ZBTB8A: variants seen among roughly 807,000 people sequenced by gnomAD.
The protein encoded by ZBTB8A is zinc finger and BTB domain containing 8A.
ZBTB8A carries 19 observed loss-of-function variants against 37.8 expected under a neutral mutation model. That is an observed-to-expected ratio of 0.50 (90% confidence interval 0.35 to 0.74). The LOEUF is 0.74. Among genes scored for constraint, ZBTB8A ranks in the 30% least tolerant of loss-of-function variants. ZBTB8A has a pLI of 0.01. For missense variants in ZBTB8A, 394 were observed against 537.8 expected (o/e 0.73, Z 2.65); for synonymous variants, 181 against 185.2 (o/e 0.98, Z 0.19).
rs577859359 is a variant in ZBTB8A, at chr1:32,584,372, G to A, written c.-1-8559G>A. Among the ~76,000 whole-genome samples the A allele has an allele frequency of 1.1e-4, 16 of 151,390 alleles. No individual in the cohort carries two copies. In the South Asian group the frequency reaches 2.1e-3, roughly 20 times the overall value. The stretch of plus-strand genomic sequence containing the variant: ...AACTAATATACAAAGACGGGAAAAC[G>A]TATAAATGCAGAATAAACACTTAAT... On this transcript the variant is annotated intron_variant, in intron 2 of 4. Transcript: ENST00000373510.
At chr1:32,569,465 C>T (rs1368055524) in intron 2 of ZBTB8A, among the ~76,000 whole-genome samples, 1 of 142,980 alleles carries the variant, frequency 7.0e-6, no homozygotes, top group Admixed American at 7.4e-5. Context: ...GCGATCTCAG[C>T]TCACTGCCAG....
intron 2 of ZBTB8A, among the ~76,000 whole-genome samples, chr1:32,591,233 G>GTC (rs1321548364): frequency 1.3e-5 from 2 of 149,132 alleles, no homozygotes; most frequent in African/African-American, 5.0e-5. Context: ...TAGAGACAGA[G>GTC]TCTCTCTCTG....
chr1:32,569,417 A>G (rs371892682), intron 2 of ZBTB8A, among the ~76,000 whole-genome samples: 1 of 118,074 alleles, frequency 8.5e-6, no homozygotes, highest in East Asian at 2.4e-4. Context: ...TTTTTGAGAC[A>G]GAGTCTTGCT....
intron 1 of ZBTB8A, among the ~76,000 whole-genome samples, chr1:32,540,995 C>T (rs1327474581): frequency 6.6e-6 from 1 of 152,250 alleles, no homozygotes; most frequent in Non-Finnish European, 1.5e-5. Context: ...ACCAGCTTCG[C>T]TGTTGATAAT....
chr1:32,602,880 A>C lies in ZBTB8A; in HGVS notation c.*2461A>C, dbSNP rs1281736093. The C allele has an allele frequency of 2.0e-5, 3 of 152,064 alleles. 1 individual carries two copies. Among genetic ancestry groups the C allele is most frequent in the African/African-American group, 7.2e-5 (3 of 41,424 alleles). The allele number at this position is 152,064 out of a possible 1,614,324, so 9.4% of individuals were successfully genotyped here. ...TTACTGTATTTTTAAATGCCATGACATACCTCAAAATTATCCTTTTTATGT... is the reference window on the plus strand; with the variant it reads ...TTACTGTATTTTTAAATGCCATGACCTACCTCAAAATTATCCTTTTTATGT... On this transcript the variant is annotated 3_prime_UTR_variant, in exon 5 of 5. Transcript: ENST00000373510.
chr1:32,590,576 T>C (rs537706178), intron 2 of ZBTB8A, among the ~76,000 whole-genome samples: 3 of 152,266 alleles, frequency 2.0e-5, no homozygotes, highest in Admixed American at 2.0e-4. Context: ...CATCTAGGGA[T>C]TTCTACATCT....
chr1:32,573,991 G>A (rs1231709038), intron 2 of ZBTB8A, among the ~76,000 whole-genome samples: 5 of 151,474 alleles, frequency 3.3e-5, no homozygotes, highest in Admixed American at 1.3e-4. Context: ...CAGGAGAATC[G>A]CTTGAACCCG....
intron 1 of ZBTB8A, among the ~76,000 whole-genome samples, chr1:32,549,492 C>CAA (rs796747835): frequency 9.1e-6 from 1 of 110,282 alleles, no homozygotes; most frequent in African/African-American, 3.2e-5. Flanking sequence ...AACTCCGTCT[C>CAA]AAAAAAAAAA....
intron 1 of ZBTB8A, among the ~76,000 whole-genome samples, chr1:32,545,491 G>A (rs935546309): frequency 4.6e-5 from 7 of 152,186 alleles, no homozygotes; most frequent in Non-Finnish European, 1.0e-4. Flanking sequence ...AATGCTTAGA[G>A]TTAAGTAACT....
intron 2 of ZBTB8A, among the ~76,000 whole-genome samples, chr1:32,563,153 T>G (rs374142899): frequency 3.3e-5 from 5 of 152,200 alleles, no homozygotes; most frequent in African/African-American, 1.2e-4. Context: ...TTATTAGTTG[T>G]TTGCATTTCC....
At chr1:32,552,667 A>G (rs1486504433) in intron 1 of ZBTB8A, among the ~76,000 whole-genome samples, 1 of 152,082 alleles carries the variant, frequency 6.6e-6, no homozygotes, top group Admixed American at 6.6e-5. Context: ...CTCCATCTCA[A>G]AAACACCAAA....
chr1:32,600,350 T>C lies in ZBTB8A; in HGVS notation c.1257T>C (p.Asp419=). The change falls in exon 5 of 5, where the codon GAT becomes GAC. Residue 419 remains aspartate, a synonymous_variant. Coordinates refer to ENST00000373510, the MANE Select transcript of ZBTB8A (RefSeq NM_001040441.3). ...AGATTGTAGAAGATGGGTCTGCTGATCTGGTCATCCAACAGGTTGATGATA... is the reference window on the plus strand; with the variant it reads ...AGATTGTAGAAGATGGGTCTGCTGACCTGGTCATCCAACAGGTTGATGATA... ...YVEIVEDGSA[D]LVIQQVDDSE... 1.2e-6 allele frequency: 2 copies of C among 1,614,170 alleles called. No individual in the cohort carries two copies. The highest frequency in any genetic ancestry group is 2.2e-5 in the East Asian group (1 of 44,886).
intron 3 of ZBTB8A, among the ~76,000 whole-genome samples, chr1:32,594,361 T>C (rs1321948904): frequency 6.6e-6 from 1 of 152,106 alleles, no homozygotes; most frequent in Non-Finnish European, 1.5e-5. Context: ...TACTCTTAAA[T>C]GTTTAAAGCT....
intron 2 of ZBTB8A, among the ~76,000 whole-genome samples, chr1:32,570,268 T>C (rs1644314450): frequency 6.6e-6 from 1 of 152,206 alleles, no homozygotes; most frequent in Non-Finnish European, 1.5e-5. Flanking sequence ...CTCTATTCCA[T>C]TGATCTATGT....
At chr1:32,569,048 A>G (rs1419028362) in intron 2 of ZBTB8A, among the ~76,000 whole-genome samples, 1 of 152,168 alleles carries the variant, frequency 6.6e-6, no homozygotes, top group East Asian at 1.9e-4. Context: ...TAATTTTCCA[A>G]AGTGACTGTA....
chr1:32,567,519 G>T (rs1644289250), intron 2 of ZBTB8A, among the ~76,000 whole-genome samples: 1 of 152,080 alleles, frequency 6.6e-6, no homozygotes, highest in Admixed American at 6.6e-5. Context: ...TTTAGGCTGG[G>T]CATGGTGGCT....
intron 2 of ZBTB8A, among the ~76,000 whole-genome samples, chr1:32,579,870 T>A (rs1644390563): frequency 6.6e-6 from 1 of 152,192 alleles, no homozygotes; most frequent in African/African-American, 2.4e-5. Context: ...AATTTTACTT[T>A]TATAGTTTTC....
chr1:32,564,348 TA>T (rs1644264334), intron 2 of ZBTB8A, among the ~76,000 whole-genome samples: 1 of 152,206 alleles, frequency 6.6e-6, no homozygotes, highest in Non-Finnish European at 1.5e-5. Context: ...TAAGCTGTGA[TA>T]AAACCGTAAT....
intron 2 of ZBTB8A, among the ~76,000 whole-genome samples, chr1:32,589,021 C>T (rs944081810): frequency 1.3e-5 from 2 of 151,806 alleles, no homozygotes; most frequent in African/African-American, 4.8e-5. Context: ...TGATGAAAAC[C>T]TGATTGGAAT....
Sources: allele counts gnomAD v4.1 joint callset (sites outside exome capture counted in the v4.1 genomes callset), GRCh38; gene constraint gnomAD v4.1.1; transcripts MANE v1.5; gene names NCBI Gene and HGNC (gene_info 2026-07-23, HGNC 2026-07-21).